TMEM74: variants seen among roughly 807,000 people sequenced by gnomAD.
TMEM74 encodes transmembrane protein 74.
A neutral mutation model predicts 18.1 loss-of-function variants in TMEM74; 13 were observed. The ratio of observed to expected loss-of-function variants is 0.72; its 90% CI spans 0.47 to 1.14. TMEM74 has a LOEUF of 1.14. Ranked by LOEUF, TMEM74 falls within the 50% of genes most tolerant of loss-of-function variation. The probability of loss-of-function intolerance (pLI) is 0.00; values close to 1 mark genes in which losing one functional copy is unlikely to be tolerated. For missense variants in TMEM74, 372 were observed against 375.9 expected, an observed-to-expected ratio of 0.99 and a Z score of 0.09; for synonymous variants, 159 against 146.6, an observed-to-expected ratio of 1.08 and a Z score of -0.61.
intron 1 of TMEM74, among the ~76,000 whole-genome samples, chr8:108,755,009 A>AG (rs1169178263): frequency 1.3e-5 from 2 of 152,018 alleles, no homozygotes; most frequent in East Asian, 3.9e-4. Flanking sequence ...CACTGATTCA[A>AG]ATGCAAGTCT....
At chr8:108,694,627 C>T (rs1813262746) in intron 1 of TMEM74, among the ~76,000 whole-genome samples, 3 of 152,210 alleles carry the variant, frequency 2.0e-5, no homozygotes, top group Admixed American at 2.0e-4. Flanking sequence ...AAAGAGAAGG[C>T]TCGCTGTATT....
intron 1 of TMEM74, among the ~76,000 whole-genome samples, chr8:108,702,460 G>T (rs981834718): frequency 6.6e-5 from 10 of 151,904 alleles, no homozygotes; most frequent in African/African-American, 2.2e-4. Flanking sequence ...GTAGCCAATG[G>T]TTCTGGAGAG....
chr8:108,656,952 A>T (rs1248046218), intron 1 of TMEM74, among the ~76,000 whole-genome samples: 1 of 152,176 alleles, frequency 6.6e-6, no homozygotes, highest in Non-Finnish European at 1.5e-5. Flanking sequence ...CCATTTTTAT[A>T]AAAAAGATAA....
chr8:108,748,684 T>G lies in TMEM74; in HGVS notation n.119+38792A>C, dbSNP rs969805733. Among the ~76,000 whole-genome samples the G allele has an allele frequency of 1.3e-4, 16 of 124,568 alleles. No individual in the cohort carries two copies. In the East Asian group the frequency reaches 1.5e-3, roughly 11 times the overall value. The allele number at this position is 124,568 out of a possible 152,430, so 81.7% of individuals were successfully genotyped here. ...TATTGCCATAGGTTTTCTTCTAGGG[T>G]TTTTTTTTTTTTTAATAGGTTTTTT... On this transcript the variant is annotated intron_variant and non_coding_transcript_variant, in intron 1 of 3. Coordinates refer to the TMEM74 transcript ENST00000518838.
chr8:108,686,365 AT>A (rs11325145), intron 1 of TMEM74, among the ~76,000 whole-genome samples: 6,016 of 148,148 alleles, frequency 0.041, 163 homozygotes, highest in African/African-American at 0.071. Context: ...CGCCCGGCTA[AT>A]TTTTTTTTTG....
intron 1 of TMEM74, among the ~76,000 whole-genome samples, chr8:108,689,512 G>T (rs893595381): frequency 6.6e-6 from 1 of 152,094 alleles, no homozygotes; most frequent in African/African-American, 2.4e-5. Context: ...TGACTTAATT[G>T]CCTCATTTAT....
chr8:108,642,807 A>G (rs1425214732), intron 2 of TMEM74, among the ~76,000 whole-genome samples: 1 of 152,198 alleles, frequency 6.6e-6, no homozygotes, highest in Non-Finnish European at 1.5e-5. Flanking sequence ...CTCTTCTAAG[A>G]AAAGTAGGCT....
intron 1 of TMEM74, among the ~76,000 whole-genome samples, chr8:108,728,551 C>A (rs1336908457): frequency 1.3e-5 from 2 of 152,120 alleles, no homozygotes; most frequent in African/African-American, 2.4e-5. Context: ...CCTGTGGAAC[C>A]AGTATGCCAT....
rs1442103625 is a variant in TMEM74 at position 108,784,922 on chromosome 8, T to A, written c.177A>T (p.Lys59Asn). 6.2e-7 allele frequency: 1 copy of A among 1,614,098 alleles called. No homozygotes were observed. The highest frequency in any genetic ancestry group is 8.5e-7 in the Non-Finnish European group (1 of 1,179,988). ...TPRATEMEGSKLSSSPASPSS... is the reference protein window; with the variant it reads ...TPRATEMEGSNLSSSPASPSS... ...AGGGGGATGCTGGAGAAGAACTAAG[T>A]TTAGACCCTTCCATCTCGGTTGCTC... The change falls in exon 2 of 2, where the codon AAA becomes AAT. Residue 59 changes from lysine to asparagine, a missense_variant. Physicochemically the swap from Lys to Asn is moderately conservative, Grantham distance 94. Transcript: ENST00000297459.
intron 1 of TMEM74, among the ~76,000 whole-genome samples, chr8:108,737,756 T>C (rs2130643809): frequency 6.6e-6 from 1 of 152,278 alleles, no homozygotes; most frequent in Non-Finnish European, 1.5e-5. Context: ...AGAGGAGGAA[T>C]GTTTTGAATA....
At chr8:108,683,333 A>G (rs1490396675) in intron 1 of TMEM74, among the ~76,000 whole-genome samples, 1 of 151,762 alleles carries the variant, frequency 6.6e-6, no homozygotes, top group African/African-American at 2.4e-5. Context: ...AAAAAATAAG[A>G]GGAAACTATA....
chr8:108,745,508 G>A (rs1013877817), intron 1 of TMEM74, among the ~76,000 whole-genome samples: 17 of 152,108 alleles, frequency 1.1e-4, no homozygotes, highest in African/African-American at 4.1e-4. Context: ...TGGTCATACA[G>A]AAACAGGTGC....
At chr8:108,739,883 A>T (rs1813782447) in intron 1 of TMEM74, among the ~76,000 whole-genome samples, 1 of 152,094 alleles carries the variant, frequency 6.6e-6, no homozygotes. Flanking sequence ...GGATTGAGAA[A>T]AAGACAATTT....
intron 1 of TMEM74, among the ~76,000 whole-genome samples, chr8:108,659,521 G>A (rs1242340902): frequency 6.6e-6 from 1 of 152,040 alleles, no homozygotes; most frequent in African/African-American, 2.4e-5. Context: ...GCCTGGGTGA[G>A]CTTGCCTAGC....
At chr8:108,687,113 TA>T (rs2130604049) in intron 1 of TMEM74, among the ~76,000 whole-genome samples, 1 of 152,224 alleles carries the variant, frequency 6.6e-6, no homozygotes, top group Non-Finnish European at 1.5e-5. Flanking sequence ...CCATTTGTGC[TA>T]AAAAATTTTA....
At chr8:108,656,121 A>G (rs1033494884) in intron 1 of TMEM74, among the ~76,000 whole-genome samples, 7 of 152,140 alleles carry the variant, frequency 4.6e-5, no homozygotes, top group African/African-American at 1.2e-4. Context: ...CGTCCCCAGG[A>G]GAGGCAGACT....
intron 2 of TMEM74, among the ~76,000 whole-genome samples, chr8:108,629,526 T>C (rs751175329): frequency 4.0e-5 from 6 of 151,796 alleles, no homozygotes; most frequent in African/African-American, 7.3e-5. Context: ...CCAAGACACA[T>C]AATTGTCAGA....
intron 2 of TMEM74, among the ~76,000 whole-genome samples, chr8:108,634,036 C>G (rs983917750): frequency 6.6e-6 from 1 of 151,960 alleles, no homozygotes; most frequent in Non-Finnish European, 1.5e-5. Flanking sequence ...CAATTTACCA[C>G]GTAGAAGATG....
chr8:108,680,685 G>T (rs1225996648), intron 1 of TMEM74, among the ~76,000 whole-genome samples: 2 of 152,144 alleles, frequency 1.3e-5, no homozygotes, highest in African/African-American at 2.4e-5. Context: ...GCGGGAGAAG[G>T]AAATAAAGGG....
Sources: allele counts gnomAD v4.1 joint callset (sites outside exome capture counted in the v4.1 genomes callset), GRCh38; gene constraint gnomAD v4.1.1; transcripts MANE v1.5; gene names NCBI Gene and HGNC (gene_info 2026-07-23, HGNC 2026-07-21).